DNAH12: variants seen among roughly 807,000 people sequenced by gnomAD.
DNAH12 encodes axonemal beta dynein heavy chain 12.
Under a neutral mutation model 371.5 loss-of-function variants are expected in DNAH12, and 285 were observed. That is an observed-to-expected ratio of 0.77 (90% confidence interval 0.70 to 0.85). The LOEUF (loss-of-function observed/expected upper bound fraction) is 0.85, where lower values mean the gene tolerates loss of function less well. DNAH12 is among the 40% of genes least tolerant of loss of function. DNAH12 has a pLI of 0.00. For synonymous variants in DNAH12, 1,200 were observed against 1,213.0 expected, an observed-to-expected ratio of 0.99 and a Z score of 0.22; for missense variants, 3,611 against 3,689.4, an observed-to-expected ratio of 0.98 and a Z score of 0.55.
At chr3:57,509,485 A>G (rs572188497) in intron 5 of DNAH12, among the ~76,000 whole-genome samples, 129 of 152,256 alleles carry the variant, frequency 8.5e-4, no homozygotes, top group African/African-American at 2.9e-3. Context: ...AATGCATTTC[A>G]TGGTGGCTAC....
upstream of DNAH12, chr3:57,548,735 G>A (rs370311757): frequency 6.6e-6 from 1 of 152,018 alleles, no homozygotes; most frequent in African/African-American, 2.4e-5. Flanking sequence ...GAAAACAAAC[G>A]AGGAAAGTTT....
At chr3:57,468,449 C>G (rs1443490804) in intron 17 of DNAH12, among the ~76,000 whole-genome samples, 1 of 151,960 alleles carries the variant, frequency 6.6e-6, no homozygotes, top group Non-Finnish European at 1.5e-5. Flanking sequence ...ACAGCAAAAC[C>G]CCATCTCTTC....
intron 2 of DNAH12, among the ~76,000 whole-genome samples, chr3:57,541,239 C>T (rs1373151043): frequency 2.0e-5 from 3 of 151,956 alleles, no homozygotes; most frequent in Admixed American, 1.3e-4. Flanking sequence ...TGGGTTTCAC[C>T]ATGTTGGCCA....
At chr3:57,372,361 C>T (rs879010170) in intron 55 of DNAH12, among the ~76,000 whole-genome samples, 99,574 of 151,786 alleles carry the variant, frequency 0.66, 33,339 homozygotes, top group Non-Finnish European at 0.75. Context: ...AAAGGACATT[C>T]TTCAGGCAGA....
chr3:57,439,254 T>A (rs113485695), intron 29 of DNAH12, among the ~76,000 whole-genome samples: 3 of 152,070 alleles, frequency 2.0e-5, no homozygotes, highest in Admixed American at 2.0e-4. Flanking sequence ...GCCAAAGCAA[T>A]CCTAAGCAAA....
At chr3:57,464,413 G>A (rs2066140176) in intron 17 of DNAH12, among the ~76,000 whole-genome samples, 1 of 152,104 alleles carries the variant, frequency 6.6e-6, no homozygotes. Flanking sequence ...ATTCATTAAG[G>A]GCAGCGCTCC....
At chr3:57,307,159 C>T (rs494329) in intron 69 of DNAH12, among the ~76,000 whole-genome samples, 50,578 of 151,756 alleles carry the variant, frequency 0.33, 10,444 homozygotes, top group East Asian at 0.92. Context: ...CGATCGTGTC[C>T]GACTGATCTC....
chr3:57,486,091 T>C (rs772097782), intron 12 of DNAH12, among the ~76,000 whole-genome samples: 54 of 151,056 alleles, frequency 3.6e-4, no homozygotes, highest in Admixed American at 1.3e-3. Context: ...TGGTGGCACA[T>C]GCCTGCAGCC....
At chr3:57,525,673 ATACTTT>A (rs1330786093) in intron 2 of DNAH12, among the ~76,000 whole-genome samples, 5 of 150,784 alleles carry the variant, frequency 3.3e-5, no homozygotes, top group African/African-American at 1.2e-4. Flanking sequence ...CAATTCAATT[ATACTTT>A]TAGTTATTTT....
chr3:57,550,707 GAGATGGGGTTTC>G, the DNAH12 span, among the ~76,000 whole-genome samples: 1 of 151,250 alleles, frequency 6.6e-6, no homozygotes, highest in South Asian at 2.1e-4. Flanking sequence ...ATTTTTAATA[GAGATGGGGTTTC>G]ACCATGCTAG....
At chr3:57,311,041 G>T (rs564948942) in intron 66 of DNAH12, 91 bp from the exon 67 acceptor site, 6 of 922,488 alleles carry the variant, frequency 6.5e-6, no homozygotes, top group Non-Finnish European at 9.9e-6. Context: ...TAGAAAGGGG[G>T]TTGAAAGAAT....
chr3:57,542,803 A>G lies in DNAH12; in HGVS notation c.68T>C (p.Ile23Thr). The change falls in exon 2 of 74, where the codon ATT (isoleucine) becomes ACT (threonine). Residue 23 changes from isoleucine (I) to threonine (T), a missense_variant. Transcript: ENST00000495027. ...KEALNLKLPP[I>T]VHLPENIGVD... ...GCCTATGTTTTCTGGGAGATGGACA[A>G]TGGGGGGTAACTTCAAGTTCAGAGC... 2 of 1,609,898 alleles carry G rather than the reference A, an allele frequency of 1.2e-6. No homozygotes were observed.
rs1400315377 is a variant in DNAH12, at chr3:57,352,656, T to TA, written c.9534-432dup. 8.8e-3 allele frequency among the ~76,000 whole-genome samples: 1,295 copies of TA among 146,938 alleles called. 18 individuals carry two copies. The highest frequency in any genetic ancestry group is 0.027 in the African/African-American group (1,095 of 40,312). On this transcript the variant is annotated intron_variant, in intron 59 of 73. Transcript: ENST00000495027. ...AAGTGACTGAAGACAATCAGTTAATTAAAAAAAAAAATGCCTATTAAATCT... is the reference window on the plus strand; with the variant it reads ...AAGTGACTGAAGACAATCAGTTAATTAAAAAAAAAAAATGCCTATTAAATCT...
chr3:57,421,393 A>T, intron 36 of DNAH12, 125 bp downstream of exon 36: 1 of 793,870 alleles, frequency 1.3e-6, no homozygotes, highest in Non-Finnish European at 1.9e-6. Flanking sequence ...GTGAAACTAA[A>T]AGAAGGGAGC....
chr3:57,304,132 C>T (rs370176049), intron 69 of DNAH12, among the ~76,000 whole-genome samples: 3 of 149,598 alleles, frequency 2.0e-5, no homozygotes, highest in Non-Finnish European at 3.0e-5. Flanking sequence ...TCTTATAAAA[C>T]GGCCCCACCC....
At chr3:57,448,787 G>A (rs1279408911) in intron 25 of DNAH12, among the ~76,000 whole-genome samples, 1 of 152,160 alleles carries the variant, frequency 6.6e-6, no homozygotes, top group African/African-American at 2.4e-5. Flanking sequence ...GTTAGATACA[G>A]AGTATGGACA....
chr3:57,337,037 A>T (rs984487625), intron 60 of DNAH12, among the ~76,000 whole-genome samples: 2 of 152,244 alleles, frequency 1.3e-5, no homozygotes, highest in African/African-American at 4.8e-5. Flanking sequence ...ACAGAGACTG[A>T]CAGTAACAGG....
intron 72 of DNAH12, 22 bp from the exon 73 acceptor site, chr3:57,295,614 AATT>A (rs1487383085): frequency 1.3e-6 from 2 of 1,518,684 alleles, no homozygotes; most frequent in Admixed American, 2.1e-5. Flanking sequence ...AATTGACAGA[AATT>A]ATTAGAAATA....
At chr3:57,475,943 T>C (rs1476240588) in intron 13 of DNAH12, among the ~76,000 whole-genome samples, 4 of 152,194 alleles carry the variant, frequency 2.6e-5, no homozygotes, top group African/African-American at 9.7e-5. Flanking sequence ...TGCACTGGGA[T>C]ACATGTGTTA....
Sources: gnomAD v4.1 joint callset for allele counts (sites outside exome capture counted in the v4.1 genomes callset) on GRCh38, gnomAD v4.1.1 for gene constraint, MANE v1.5 for transcripts, NCBI Gene and HGNC (gene_info 2026-07-23, HGNC 2026-07-21) for gene names.